Variants in KCNQ5 observed in about 807,000 individuals in gnomAD.
KCNQ5 encodes the protein potassium voltage-gated channel subfamily KQT member 5.
A neutral mutation model predicts 98.2 loss-of-function variants in KCNQ5; 30 were observed. The ratio of observed to expected loss-of-function variants is 0.31; its 90% CI spans 0.23 to 0.41. The LOEUF is 0.41. Among genes scored for constraint, KCNQ5 ranks in the 10% least tolerant of loss-of-function variants. The probability of loss-of-function intolerance (pLI) is 1.00; values close to 1 mark genes in which losing one functional copy is unlikely to be tolerated. For missense variants in KCNQ5, 835 were observed against 1,182.5 expected (o/e 0.71, Z 4.31); for synonymous variants, 458 against 449.4 (o/e 1.02, Z -0.24).
In KCNQ5 at chr6:73,166,353, G is replaced by A. The variant is rs368278411; in HGVS notation, c.1469-3393G>A. On this transcript the variant is annotated intron_variant, in intron 10 of 13. Transcript: ENST00000370398. ...TGGGAGGCTGAGGCAGGAGAATGGC[G>A]TGAACCTGGGAGGCAGAGCTTGCAG... 4.7e-4 allele frequency among the ~76,000 whole-genome samples: 71 copies of A among 151,092 alleles called. No individual in the cohort carries two copies. The East Asian group carries it at 0.011, about 23-fold the overall frequency.
intron 1 of KCNQ5, among the ~76,000 whole-genome samples, chr6:72,655,576 T>A (rs566472498): frequency 6.6e-6 from 1 of 151,998 alleles, no homozygotes; most frequent in African/African-American, 2.4e-5. Flanking sequence ...GGCAAAGACA[T>A]GGAGACAAGC....
chr6:72,880,273 C>T (rs1341823547), intron 1 of KCNQ5, among the ~76,000 whole-genome samples: 1 of 152,156 alleles, frequency 6.6e-6, no homozygotes, highest in Non-Finnish European at 1.5e-5. Context: ...AGTTCAAGAT[C>T]AAGGTGACAG....
At chr6:73,081,480 T>C (rs1235388928) in intron 5 of KCNQ5, among the ~76,000 whole-genome samples, 1 of 152,202 alleles carries the variant, frequency 6.6e-6, no homozygotes, top group East Asian at 1.9e-4. Flanking sequence ...CTGCTTTAGA[T>C]TTATTTTGAA....
At chr6:73,123,780 A>G (rs1483007715) in intron 8 of KCNQ5, among the ~76,000 whole-genome samples, 1 of 152,166 alleles carries the variant, frequency 6.6e-6, no homozygotes, top group African/African-American at 2.4e-5. Context: ...TGGTACCTTA[A>G]GAAGTGGGGA....
chr6:72,769,730 T>C (rs1331193413), intron 1 of KCNQ5, among the ~76,000 whole-genome samples: 2 of 152,112 alleles, frequency 1.3e-5, no homozygotes, highest in Non-Finnish European at 2.9e-5. Context: ...TTCTGAAACT[T>C]CTTATTTCAT....
chr6:72,646,267 A>G (rs181469356), intron 1 of KCNQ5, among the ~76,000 whole-genome samples: 3 of 152,234 alleles, frequency 2.0e-5, no homozygotes, highest in African/African-American at 7.2e-5. Flanking sequence ...ATATACATAT[A>G]TAATGAAACT....
In KCNQ5 at chr6:73,113,807, T is replaced by C. The variant is rs576624698; in HGVS notation, c.1125+2404T>C. On this transcript the variant is annotated intron_variant, in intron 7 of 13. Coordinates refer to ENST00000370398, the MANE Select transcript of KCNQ5 (RefSeq NM_019842.4). ...GACAGGCTAATTGAACAGTTTTACC[T>C]GGAGGCCTAGAATTTTATTTTATGG... Among the ~76,000 whole-genome samples, 14 of 152,372 alleles carry C rather than the reference T, an allele frequency of 9.2e-5. No homozygotes were observed. In the East Asian group the frequency reaches 2.5e-3, roughly 27 times the overall value.
chr6:72,970,424 T>C (rs1767830884), intron 1 of KCNQ5, among the ~76,000 whole-genome samples: 1 of 152,214 alleles, frequency 6.6e-6, no homozygotes, highest in Admixed American at 6.5e-5. Context: ...GTGTATTACA[T>C]ATGCACATGT....
chr6:72,720,705 G>C (rs1769910731), intron 1 of KCNQ5, among the ~76,000 whole-genome samples: 1 of 152,178 alleles, frequency 6.6e-6, no homozygotes, highest in African/African-American at 2.4e-5. Flanking sequence ...AGAATGATAA[G>C]ATATTTTACA....
At chr6:72,731,139 A>G (rs1770532664) in intron 1 of KCNQ5, among the ~76,000 whole-genome samples, 1 of 152,222 alleles carries the variant, frequency 6.6e-6, no homozygotes, top group Non-Finnish European at 1.5e-5. Flanking sequence ...TAGAAGAAAC[A>G]GATAGATGTT....
chr6:72,787,109 C>A (rs550914258), intron 1 of KCNQ5, among the ~76,000 whole-genome samples: 1 of 152,078 alleles, frequency 6.6e-6, no homozygotes, highest in South Asian at 2.1e-4. Flanking sequence ...TTTGGCTACC[C>A]TGACCTGTGA....
At chr6:72,644,314 C>G (rs1023037835) in intron 1 of KCNQ5, among the ~76,000 whole-genome samples, 1 of 152,126 alleles carries the variant, frequency 6.6e-6, no homozygotes, top group Non-Finnish European at 1.5e-5. Flanking sequence ...ACTGAACTCA[C>G]AGTTTGTAAG....
chr6:73,066,072 A>T (rs529738276), intron 3 of KCNQ5, among the ~76,000 whole-genome samples: 2 of 152,284 alleles, frequency 1.3e-5, no homozygotes, highest in African/African-American at 4.8e-5. Context: ...CTTGAACCCG[A>T]GAGGCGGAGG....
At chr6:73,007,423 G>A (rs1283855539) in intron 2 of KCNQ5, among the ~76,000 whole-genome samples, 2 of 152,150 alleles carry the variant, frequency 1.3e-5, no homozygotes, top group African/African-American at 4.8e-5. Context: ...TGAATAGGAG[G>A]ATTCTAGAAG....
chr6:73,026,199 C>T (rs1770883229), intron 2 of KCNQ5, among the ~76,000 whole-genome samples: 1 of 152,174 alleles, frequency 6.6e-6, no homozygotes, highest in Non-Finnish European at 1.5e-5. Flanking sequence ...TGCCCAAGGC[C>T]TTTGTCCTGG....
intron 1 of KCNQ5, among the ~76,000 whole-genome samples, chr6:72,936,995 G>A (rs761051379): frequency 5.9e-5 from 9 of 152,148 alleles, no homozygotes; most frequent in Non-Finnish European, 1.3e-4. Context: ...GGCTGTAACT[G>A]TAACTGGAGC....
chr6:72,659,819 C>T (rs1766415517), intron 1 of KCNQ5, among the ~76,000 whole-genome samples: 1 of 152,218 alleles, frequency 6.6e-6, no homozygotes, highest in South Asian at 2.1e-4. Flanking sequence ...ATAACATCCC[C>T]TCGGTCCCCC....
chr6:73,054,034 T>A (rs1772354684), intron 3 of KCNQ5, among the ~76,000 whole-genome samples: 1 of 151,882 alleles, frequency 6.6e-6, no homozygotes, highest in South Asian at 2.1e-4. Flanking sequence ...CCCACAAAAA[T>A]TTAAAAAACC....
rs1489692888 is a variant in KCNQ5, at chr6:73,124,834, G to A, written c.1247+322G>A. 2.0e-5 allele frequency among the ~76,000 whole-genome samples: 3 copies of A among 150,490 alleles called. No individual in the cohort carries two copies. The East Asian group carries it at 5.8e-4, about 29-fold the overall frequency. On this transcript the variant is annotated intron_variant, in intron 9 of 13. Transcript: ENST00000370398. ...AGTCTTATCAAAGTATTCAAATATG[G>A]TAATCTAGAGAATGAAAGAAAGAAA...
Sources: allele counts gnomAD v4.1 joint callset (sites outside exome capture counted in the v4.1 genomes callset), GRCh38; gene constraint gnomAD v4.1.1; transcripts MANE v1.5; gene names NCBI Gene and HGNC (gene_info 2026-07-23, HGNC 2026-07-21).